The following OR13A1 variants were observed in gnomAD, a reference collection of about 807,000 sequenced individuals.
OR13A1 encodes olfactory receptor 13A1.
Under a neutral mutation model 7.5 loss-of-function variants are expected in OR13A1, and 10 were observed. That is an observed-to-expected ratio of 1.34 (90% confidence interval 0.83 to 2.27). The LOEUF is 2.27. Ranked by LOEUF, OR13A1 falls within the 30% of genes most tolerant of loss-of-function variation. OR13A1 has a pLI of 0.00. For synonymous variants in OR13A1, 238 were observed against 177.9 expected, an observed-to-expected ratio of 1.34 and a Z score of -2.69; for missense variants, 509 against 419.1, an observed-to-expected ratio of 1.21 and a Z score of -1.87.
chr10:45,308,062 T>TA (rs1311104933), intron 1 of OR13A1, among the ~76,000 whole-genome samples: 23 of 152,230 alleles, frequency 1.5e-4, no homozygotes, highest in Admixed American at 1.1e-3. Flanking sequence ...TCATTATTTT[T>TA]ATCTCTAAAG....
intron 1 of OR13A1, among the ~76,000 whole-genome samples, chr10:45,310,743 T>A (rs1838428493): frequency 6.7e-6 from 1 of 150,298 alleles, no homozygotes. Flanking sequence ...AGAACTGAGA[T>A]TCGAGGAAGA....
At chr10:45,315,168 G>T (rs1043502135) in intron 1 of OR13A1, among the ~76,000 whole-genome samples, 1 of 152,158 alleles carries the variant, frequency 6.6e-6, no homozygotes, top group African/African-American at 2.4e-5. Context: ...AGAACATGTG[G>T]CAGGGTGTGC....
intron 1 of OR13A1, among the ~76,000 whole-genome samples, chr10:45,315,266 GT>G (rs1388171414): frequency 4.0e-5 from 6 of 151,840 alleles, no homozygotes; most frequent in Admixed American, 2.6e-4. Context: ...GTGAGCTGAG[GT>G]CATGCCACTG....
chr10:45,309,791 C>T (rs149611042), intron 1 of OR13A1, among the ~76,000 whole-genome samples: 126 of 152,256 alleles, frequency 8.3e-4, no homozygotes, highest in African/African-American at 2.6e-3. Flanking sequence ...ACTATTAAAA[C>T]GCACTTCAAA....
At position 45,303,736 on chromosome 10, in the gene OR13A1, G is replaced by C; in HGVS notation, c.687C>G (p.Phe229Leu). ...AGCCATAGGACGCGATGGTCATCAG[G>C]AAGTTCACTATGCCGTAGAAAGCAT... ...LADAFYGIVN[F>L]LMTIASYGFI... Residue 229 changes from phenylalanine to leucine, a missense_variant, in exon 4 of 4, where the codon TTC becomes TTG. Transcript: ENST00000553795. 2 of 1,614,210 alleles carry C rather than the reference G, an allele frequency of 1.2e-6. No individual in the cohort carries two copies.
chr10:45,311,394 C>T (rs925569744), intron 1 of OR13A1, among the ~76,000 whole-genome samples: 4 of 152,094 alleles, frequency 2.6e-5, no homozygotes, highest in Non-Finnish European at 5.9e-5. Context: ...CTTGGTTGAG[C>T]TCCACCCTCT....
chr10:45,312,923 A>C (rs1838468190), intron 1 of OR13A1, among the ~76,000 whole-genome samples: 2 of 152,118 alleles, frequency 1.3e-5, no homozygotes, highest in Admixed American at 6.5e-5. Flanking sequence ...TGCAAGTTGA[A>C]ACAAAAGGAT....
chr10:45,314,523 C>G (rs528401927), intron 1 of OR13A1, among the ~76,000 whole-genome samples: 13 of 148,310 alleles, frequency 8.8e-5, no homozygotes, highest in African/African-American at 2.9e-4. Flanking sequence ...AGAAAAAAAA[C>G]TACACCCAAA....
In OR13A1 at chr10:45,304,138, G is replaced by C. The variant is rs781615288; in HGVS notation, c.285C>G (p.Ile95Met). ...ATMDIICTSS[I>M]MPKALASLVS... ...CCAGACTGGCCAGCGCCTTGGGCAT[G>C]ATGGAAGAGGTGCAGATAATGTCCA... is the stretch of plus-strand genomic sequence containing the variant. Residue 95 changes from isoleucine to methionine, a missense_variant, in exon 4 of 4, where the codon ATC (isoleucine) becomes ATG (methionine). Coordinates refer to ENST00000553795, the MANE Select transcript of OR13A1 (RefSeq NM_001004297.3). 2 of 1,614,106 alleles carry C rather than the reference G, an allele frequency of 1.2e-6. No individual in the cohort carries two copies. Among genetic ancestry groups the C allele is most frequent in the East Asian group, 4.5e-5 (2 of 44,906 alleles).
chr10:45,315,408 GA>G (rs1838504823), intron 1 of OR13A1, 115 bp downstream of exon 1: 2 of 151,986 alleles, frequency 1.3e-5, no homozygotes, highest in African/African-American at 2.4e-5. Context: ...TATTGATGTA[GA>G]AAAAATGTTT....
In OR13A1 at chr10:45,313,145, C is replaced by A. The variant is rs150275868; in HGVS notation, c.-225+2379G>T. ...AAGATGTAACTTGTGACATAAGTAA[C>A]CTAAGGTGAGGGTAGGAGCTTTGAA... On this transcript the variant is annotated intron_variant, in intron 1 of 3. Coordinates refer to ENST00000553795, the MANE Select transcript of OR13A1 (RefSeq NM_001004297.3). 5.9e-3 allele frequency among the ~76,000 whole-genome samples: 896 copies of A among 151,944 alleles called. 6 individuals are homozygous for A. Among genetic ancestry groups the A allele is most frequent in the African/African-American group, 0.02 (809 of 41,466 alleles).
Position 45,310,846 on chromosome 10 carries a change from G to C in OR13A1, c.-224-3038C>G, listed in dbSNP as rs182642365. Among the ~76,000 whole-genome samples, 502 of 152,272 alleles carry C rather than the reference G, an allele frequency of 3.3e-3. 3 individuals carry two copies. The highest frequency in any genetic ancestry group is 5.6e-3 in the Non-Finnish European group (384 of 68,010). On this transcript the variant is annotated intron_variant, in intron 1 of 3. Transcript: ENST00000553795. ...AAACAGGCAATGAACAGTATTAAAA[G>C]TTAAAAGAGAAAATCAAGGACATGA...
intron 1 of OR13A1, among the ~76,000 whole-genome samples, chr10:45,313,980 T>A (rs1838483901): frequency 6.6e-6 from 1 of 152,202 alleles, no homozygotes; most frequent in Non-Finnish European, 1.5e-5. Flanking sequence ...TTACATGGAA[T>A]ATTCCCAAAG....
At chr10:45,311,678 A>C (rs1214673684) in intron 1 of OR13A1, among the ~76,000 whole-genome samples, 1 of 152,124 alleles carries the variant, frequency 6.6e-6, no homozygotes. Context: ...ACTGGGGCCT[A>C]CTTGAAGTTG....
At chr10:45,305,529 C>G (rs539659597) in intron 3 of OR13A1, among the ~76,000 whole-genome samples, 1 of 152,348 alleles carries the variant, frequency 6.6e-6, no homozygotes, top group South Asian at 2.1e-4. Flanking sequence ...CTCTAAAAGG[C>G]AGATGTATCA....
In OR13A1 at chr10:45,303,455, A is replaced by T; in HGVS notation, c.968T>A (p.Phe323Tyr). 1 of 1,593,510 alleles carries T rather than the reference A, an allele frequency of 6.3e-7. No homozygotes were observed. The highest frequency in any genetic ancestry group is 8.6e-7 in the Non-Finnish European group (1 of 1,168,648). ...CACAAGTTAATTTCTGAAGAAAGGG[A>T]AAAGCTTCCTGAGGGCTGCTTTGAC... Reference protein sequence around the residue: ...KEVKAALRKLFPFFRN With the variant: ...KEVKAALRKLYPFFRN Residue 323 changes from phenylalanine (F) to tyrosine (Y), a missense_variant, in exon 4 of 4, where the codon TTC becomes TAC. Phe to Tyr is a conservative substitution (Grantham distance 22). Coordinates refer to ENST00000553795, the MANE Select transcript of OR13A1 (RefSeq NM_001004297.3).
At chr10:45,308,888 G>A (rs554298173) in intron 1 of OR13A1, 1 of 152,326 alleles carries the variant, frequency 6.6e-6, no homozygotes, top group African/African-American at 2.4e-5. Flanking sequence ...CCATATTTAA[G>A]ATGGCCTTGC....
At chr10:45,306,790 G>A (rs1430932969) in intron 3 of OR13A1, among the ~76,000 whole-genome samples, 1 of 152,194 alleles carries the variant, frequency 6.6e-6, no homozygotes, top group Non-Finnish European at 1.5e-5. Context: ...TTCCATCTGT[G>A]TATCTTCCCA....
chr10:45,311,144 A>G (rs1292812137), intron 1 of OR13A1, among the ~76,000 whole-genome samples: 2 of 152,228 alleles, frequency 1.3e-5, no homozygotes, highest in African/African-American at 4.8e-5. Context: ...TTCCAGGCCT[A>G]TCCCCTAACC....
Sources: gnomAD v4.1 joint callset for allele counts (sites outside exome capture counted in the v4.1 genomes callset) on GRCh38, gnomAD v4.1.1 for gene constraint, MANE v1.5 for transcripts, NCBI Gene and HGNC (gene_info 2026-07-23, HGNC 2026-07-21) for gene names.